PCSK5: variants seen among roughly 807,000 people sequenced by gnomAD.
PCSK5 encodes the protein proprotein convertase subtilisin/kexin type 5.
A neutral mutation model predicts 233.2 loss-of-function variants in PCSK5; 129 were observed. The ratio of observed to expected loss-of-function variants is 0.55; its 90% CI spans 0.48 to 0.64. The LOEUF (loss-of-function observed/expected upper bound fraction) is 0.64. Ranked by LOEUF, PCSK5 falls within the 30% of genes least tolerant of loss-of-function variation. The pLI is 0.00. For missense variants in PCSK5, 2,076 were observed against 2,430.1 expected, an observed-to-expected ratio of 0.85 and a Z score of 3.06; for synonymous variants, 825 against 879.2, an observed-to-expected ratio of 0.94 and a Z score of 1.09.
intron 2 of PCSK5, among the ~76,000 whole-genome samples, chr9:75,951,357 A>T (rs1824848090): frequency 6.6e-6 from 1 of 152,210 alleles, no homozygotes; most frequent in East Asian, 1.9e-4. Flanking sequence ...GAGTTAATAC[A>T]GGGGCAGGGA....
intron 22 of PCSK5, among the ~76,000 whole-genome samples, chr9:76,234,071 G>A (rs1381242776): frequency 6.6e-6 from 1 of 152,096 alleles, no homozygotes; most frequent in Non-Finnish European, 1.5e-5. Flanking sequence ...TGCACTAAAA[G>A]TTTCCTGCTG....
chr9:75,960,753 G>T (rs1399788033), intron 2 of PCSK5, among the ~76,000 whole-genome samples: 1 of 152,100 alleles, frequency 6.6e-6, no homozygotes, highest in African/African-American at 2.4e-5. Context: ...GCTGTTTCCC[G>T]AGTGCCTGCC....
chr9:76,158,617 C>T (rs562386694), intron 11 of PCSK5, among the ~76,000 whole-genome samples: 1 of 152,304 alleles, frequency 6.6e-6, no homozygotes, highest in South Asian at 2.1e-4. Context: ...AGATCAGCTA[C>T]GTCACTATCA....
At position 76,239,097 on chromosome 9, in the gene PCSK5, CA is replaced by C; in HGVS notation, c.3007del (p.Arg1003AspfsTer3). ...CELCHSVHVC[T>X]RCMKGYFIAP... Reference sequence around the variant, plus strand: ...CTTTGCCACAGCGTGCATGTCTGCACAAGATGCATGAAGGGCTACTTCATAG... The same window carrying C: ...CTTTGCCACAGCGTGCATGTCTGCACAGATGCATGAAGGGCTACTTCATAG... On this transcript the variant is annotated frameshift_variant, in exon 23 of 38. Transcript: ENST00000674117. LOFTEE classifies it high-confidence loss of function. 1 of 1,607,614 alleles carries C rather than the reference CA, an allele frequency of 6.2e-7. No homozygotes were observed. The highest frequency in any genetic ancestry group is 1.7e-5 in the Admixed American group (1 of 59,252).
At chr9:76,233,407 G>A in intron 21 of PCSK5, 53 bp from the exon 22 acceptor site, 4 of 1,590,100 alleles carry the variant, frequency 2.5e-6, no homozygotes, top group Middle Eastern at 1.7e-4. Flanking sequence ...TGATACTTAG[G>A]GCCACTCTGG....
intron 37 of PCSK5, among the ~76,000 whole-genome samples, chr9:76,355,863 C>T (rs1225467020): frequency 6.6e-6 from 1 of 151,904 alleles, no homozygotes; most frequent in Non-Finnish European, 1.5e-5. Flanking sequence ...ACCACCACAC[C>T]CGGCTAATTT....
chr9:76,303,846 A>T (rs1828694121), intron 28 of PCSK5, among the ~76,000 whole-genome samples: 1 of 152,170 alleles, frequency 6.6e-6, no homozygotes, highest in South Asian at 2.1e-4. Context: ...GAGAGAATAC[A>T]TCAGTCAATC....
intron 9 of PCSK5, among the ~76,000 whole-genome samples, chr9:76,127,758 G>A (rs1822571695): frequency 6.6e-6 from 1 of 152,156 alleles, no homozygotes; most frequent in Admixed American, 6.5e-5. Flanking sequence ...AAATCATCAT[G>A]ACGCTTGTCT....
chr9:76,281,286 G>A (rs1827854559), intron 24 of PCSK5, among the ~76,000 whole-genome samples: 1 of 152,206 alleles, frequency 6.6e-6, no homozygotes, highest in African/African-American at 2.4e-5. Flanking sequence ...AAGTCTCAAA[G>A]GACAGGCTGA....
intron 16 of PCSK5, among the ~76,000 whole-genome samples, chr9:76,184,306 A>G (rs1824001862): frequency 6.6e-6 from 1 of 151,754 alleles, no homozygotes; most frequent in Non-Finnish European, 1.5e-5. Context: ...CTATACAGTG[A>G]TGTTGTCCCA....
intron 6 of PCSK5, among the ~76,000 whole-genome samples, chr9:76,070,567 A>G (rs1338905620): frequency 2.6e-5 from 4 of 152,298 alleles, no homozygotes; most frequent in African/African-American, 9.6e-5. Flanking sequence ...TCAACCTAAT[A>G]TTTATATTTT....
At chr9:76,324,786 C>T (rs1007991576) in intron 32 of PCSK5, among the ~76,000 whole-genome samples, 18 of 152,220 alleles carry the variant, frequency 1.2e-4, no homozygotes, top group Non-Finnish European at 2.4e-4. Context: ...GGGGCGGGGG[C>T]TTTTCTAGAG....
At chr9:76,295,184 C>A in intron 25 of PCSK5, 91 bp from the exon 26 acceptor site, 2 of 1,155,256 alleles carry the variant, frequency 1.7e-6, no homozygotes, top group Non-Finnish European at 2.4e-6. Flanking sequence ...AAACAAAAAA[C>A]TCTGCATAGA....
At chr9:76,301,269 C>CAA (rs35450863) in intron 27 of PCSK5, among the ~76,000 whole-genome samples, 1,513 of 128,992 alleles carry the variant, frequency 0.012, 11 homozygotes, top group African/African-American at 0.022. Flanking sequence ...GCGACTCTCT[C>CAA]AAAAAAAAAA....
chr9:76,279,617 AGAT>A (rs1382727808), intron 24 of PCSK5, among the ~76,000 whole-genome samples: 1 of 151,408 alleles, frequency 6.6e-6, no homozygotes, highest in Non-Finnish European at 1.5e-5. Context: ...AACTGGTGTG[AGAT>A]GATATCTCAT....
chr9:76,283,916 G>T (rs9411160), intron 24 of PCSK5, among the ~76,000 whole-genome samples: 55,466 of 152,064 alleles, frequency 0.36, 10,771 homozygotes, highest in Middle Eastern at 0.47. Context: ...AAGAAGGGCT[G>T]GAAGCCAAGT....
At chr9:76,210,767 C>G (rs1825298417) in intron 20 of PCSK5, among the ~76,000 whole-genome samples, 1 of 151,974 alleles carries the variant, frequency 6.6e-6, no homozygotes, top group South Asian at 2.1e-4. Context: ...TCCAGGAGAC[C>G]AATTAGGAAG....
chr9:76,295,913 GTGTT>G (rs925702673), intron 26 of PCSK5, among the ~76,000 whole-genome samples: 2 of 152,228 alleles, frequency 1.3e-5, no homozygotes, highest in African/African-American at 4.8e-5. Flanking sequence ...ATGCACTTGA[GTGTT>G]TGGGGGAGAA....
At chr9:76,079,066 T>A (rs1005444719) in intron 7 of PCSK5, among the ~76,000 whole-genome samples, 3 of 151,978 alleles carry the variant, frequency 2.0e-5, no homozygotes, top group African/African-American at 7.2e-5. Flanking sequence ...TCCTTAGGTA[T>A]TTATTATGTG....
Sources: allele counts gnomAD v4.1 joint callset (sites outside exome capture counted in the v4.1 genomes callset), GRCh38; gene constraint gnomAD v4.1.1; transcripts MANE v1.5; gene names NCBI Gene and HGNC (gene_info 2026-07-23, HGNC 2026-07-21).